The following PLGRKT variants were observed in gnomAD, a reference collection of about 807,000 sequenced individuals.
The protein encoded by PLGRKT is plasminogen receptor (KT).
Under a neutral mutation model 18.5 loss-of-function variants are expected in PLGRKT, and 22 were observed. The observed-to-expected ratio is 1.19, with a 90% CI of 0.85 to 1.70. The LOEUF (loss-of-function observed/expected upper bound fraction) is 1.70. Ranked by LOEUF, PLGRKT falls within the 40% of genes most tolerant of loss-of-function variation. PLGRKT has a pLI of 0.00. For missense variants in PLGRKT, 235 were observed against 174.4 expected, an observed-to-expected ratio of 1.35 and a Z score of -1.96; for synonymous variants, 72 against 52.8, an observed-to-expected ratio of 1.36 and a Z score of -1.58.
intron 3 of PLGRKT, among the ~76,000 whole-genome samples, chr9:5,408,172 G>A (rs140047319): frequency 2.0e-5 from 3 of 152,310 alleles, no homozygotes; most frequent in Admixed American, 6.5e-5. Context: ...ACTGTGAAAT[G>A]GGCAGAGGTT....
Position 5,418,531 on chromosome 9 carries a change from AC to A in PLGRKT, c.81+13365del. ...CCGCCTGTCCTGCTCCTCCTCCGCC[AC>A]CCCCTGGGGAGCCCTGCCTTGCAGA... is the stretch of plus-strand genomic sequence containing the variant. On this transcript the variant is annotated intron_variant, in intron 3 of 5. Transcript: ENST00000223864. The surrounding 1 kb of genome is among the most constrained non-coding windows in gnomAD (Gnocchi z 4.2). 1.1e-6 allele frequency: 1 copy of A among 950,068 alleles called. No homozygotes were observed. 58.9% of individuals were successfully genotyped at this position (950,068 alleles called of 1,614,324 possible).
intron 5 of PLGRKT, 98 bp from the exon 6 acceptor site, chr9:5,358,458 T>A (rs1477884206): frequency 2.0e-6 from 2 of 985,538 alleles, no homozygotes; most frequent in African/African-American, 3.2e-5. Flanking sequence ...TCTAACACCG[T>A]ATGAGCCATG....
rs564193341 is a variant in PLGRKT at position 5,384,298 on chromosome 9, G to C, written c.82-22410C>G. Reference sequence around the variant, plus strand: ...GAAAAACGGTCAGGGGATCAGAACAGAACAAGACAGGGGAATCTTTTAATT... The same window carrying C: ...GAAAAACGGTCAGGGGATCAGAACACAACAAGACAGGGGAATCTTTTAATT... On this transcript the variant is annotated intron_variant, in intron 3 of 5. Transcript: ENST00000223864. 5.3e-5 allele frequency among the ~76,000 whole-genome samples: 8 copies of C among 152,316 alleles called. No individual in the cohort carries two copies. In the South Asian group the frequency reaches 8.3e-4, roughly 16 times the overall value.
At chr9:5,432,586 G>A (rs2131179023) in intron 2 of PLGRKT, among the ~76,000 whole-genome samples, 1 of 145,294 alleles carries the variant, frequency 6.9e-6, no homozygotes, top group Admixed American at 7.4e-5. Context: ...CAACCTCCCT[G>A]CCTCTGGCTC....
chr9:5,437,236 G>C (rs1189240689), intron 1 of PLGRKT, among the ~76,000 whole-genome samples: 2 of 152,128 alleles, frequency 1.3e-5, no homozygotes, highest in Non-Finnish European at 2.9e-5. Context: ...ACCTAGATTT[G>C]ATTTTACTTG....
intron 3 of PLGRKT, among the ~76,000 whole-genome samples, chr9:5,366,496 C>G (rs939922966): frequency 4.6e-5 from 7 of 152,106 alleles, no homozygotes; most frequent in African/African-American, 1.7e-4. Flanking sequence ...GAGGATTTTA[C>G]AGGCTTATCT....
intron 3 of PLGRKT, among the ~76,000 whole-genome samples, chr9:5,409,216 G>C (rs1043972367): frequency 6.6e-6 from 1 of 152,192 alleles, no homozygotes; most frequent in Non-Finnish European, 1.5e-5. Context: ...TTAATCCTGG[G>C]TATATCTGTG....
chr9:5,359,444 A>AT (rs923566372), intron 5 of PLGRKT, among the ~76,000 whole-genome samples: 19 of 151,978 alleles, frequency 1.3e-4, no homozygotes, highest in East Asian at 3.8e-4. Flanking sequence ...CAAATGTCTT[A>AT]TTTTTTTTAC....
intron 3 of PLGRKT, among the ~76,000 whole-genome samples, chr9:5,426,346 T>C (rs975400856): frequency 2.0e-5 from 3 of 152,180 alleles, no homozygotes; most frequent in African/African-American, 7.2e-5. Flanking sequence ...CTTCATACTC[T>C]TAAAAAAGGA....
chr9:5,406,258 G>A (rs1420451447), intron 3 of PLGRKT, among the ~76,000 whole-genome samples: 1 of 152,012 alleles, frequency 6.6e-6, no homozygotes, highest in Non-Finnish European at 1.5e-5. Context: ...CCCATTACTG[G>A]GTATATACCC....
chr9:5,381,161 A>T (rs990722652), intron 3 of PLGRKT, among the ~76,000 whole-genome samples: 6 of 152,330 alleles, frequency 3.9e-5, no homozygotes, highest in Admixed American at 6.5e-5. Context: ...TAATACAGAA[A>T]ATTGGTAGTG....
At chr9:5,426,702 G>A (rs533611168) in intron 3 of PLGRKT, among the ~76,000 whole-genome samples, 86 of 152,200 alleles carry the variant, frequency 5.7e-4, no homozygotes, top group Non-Finnish European at 1.0e-3. Flanking sequence ...TGAGGTCACA[G>A]GCCCTGACTG....
chr9:5,382,280 G>A (rs1817761432), intron 3 of PLGRKT, among the ~76,000 whole-genome samples: 1 of 152,166 alleles, frequency 6.6e-6, no homozygotes, highest in African/African-American at 2.4e-5. Flanking sequence ...TTCAATGTTG[G>A]TCATCACAGT....
chr9:5,422,246 C>T (rs117303124), intron 3 of PLGRKT, among the ~76,000 whole-genome samples: 3 of 152,054 alleles, frequency 2.0e-5, no homozygotes, highest in African/African-American at 4.8e-5. Context: ...TAGATCAGGT[C>T]GATATGACTA....
At chr9:5,409,851 G>T (rs913980111) in intron 3 of PLGRKT, among the ~76,000 whole-genome samples, 4 of 152,192 alleles carry the variant, frequency 2.6e-5, no homozygotes, top group African/African-American at 9.7e-5. Flanking sequence ...TGTTTACCCA[G>T]TGTATCTTGG....
chr9:5,410,647 A>G (rs1244294984), intron 3 of PLGRKT, among the ~76,000 whole-genome samples: 1 of 152,244 alleles, frequency 6.6e-6, no homozygotes, highest in Non-Finnish European at 1.5e-5. Context: ...TCTCTATAAA[A>G]AATGAATTAA....
intron 3 of PLGRKT, among the ~76,000 whole-genome samples, chr9:5,398,433 C>G (rs923930338): frequency 6.6e-6 from 1 of 151,998 alleles, no homozygotes; most frequent in Admixed American, 6.5e-5. Flanking sequence ...CCAAGTGACA[C>G]AAGGTTTTGC....
intron 3 of PLGRKT, among the ~76,000 whole-genome samples, chr9:5,393,170 C>T (rs542831734): frequency 2.6e-5 from 4 of 151,794 alleles, no homozygotes; most frequent in East Asian, 1.9e-4. Flanking sequence ...AAACTATTTG[C>T]GACATTATAA....
intron 3 of PLGRKT, among the ~76,000 whole-genome samples, chr9:5,408,587 T>C (rs118036720): frequency 0.015 from 2,277 of 152,302 alleles, 19 homozygotes; most frequent in African/African-American, 0.018. Context: ...TTTACAAAAT[T>C]TGTAGCATAG....
Sources: gnomAD v4.1 joint callset for allele counts (sites outside exome capture counted in the v4.1 genomes callset) on GRCh38, gnomAD v4.1.1 for gene constraint, Gnocchi (gnomAD v3.1) non-coding constraint, MANE v1.5 for transcripts, NCBI Gene and HGNC (gene_info 2026-07-23, HGNC 2026-07-21) for gene names.